Variants in MAP3K9 observed in about 807,000 individuals in gnomAD.
The protein encoded by MAP3K9 is mitogen-activated protein kinase kinase kinase 9, also known as mixed lineage kinase 1 (tyr and ser/thr specificity).
Under a neutral mutation model 95.8 loss-of-function variants are expected in MAP3K9, and 46 were observed. The observed-to-expected ratio is 0.48, with a 90% CI of 0.38 to 0.61. MAP3K9 has a LOEUF of 0.61. Ranked by LOEUF, MAP3K9 falls within the 20% of genes least tolerant of loss-of-function variation. MAP3K9 has a pLI of 0.00. For synonymous variants in MAP3K9, 533 were observed against 593.8 expected (o/e 0.90, Z 1.49); for missense variants, 1,296 against 1,474.3 (o/e 0.88, Z 1.98).
At chr14:70,807,765 TG>T (rs2055005911) in intron 1 of MAP3K9, among the ~76,000 whole-genome samples, 1 of 152,304 alleles carries the variant, frequency 6.6e-6, no homozygotes, top group East Asian at 1.9e-4. Context: ...GATATTTACA[TG>T]TTTTTTTCTG....
chr14:70,751,521 C>A (rs368083354), intron 3 of MAP3K9, among the ~76,000 whole-genome samples: 16 of 152,150 alleles, frequency 1.1e-4, no homozygotes, highest in African/African-American at 3.9e-4. Flanking sequence ...GAGTTCAAGA[C>A]CAGCCTGGCC....
chr14:70,772,490 C>T (rs1026459544), intron 2 of MAP3K9, among the ~76,000 whole-genome samples: 3 of 152,194 alleles, frequency 2.0e-5, no homozygotes, highest in African/African-American at 7.2e-5. Context: ...GAATAATAAG[C>T]GCTCAATAAA....
chr14:70,743,517 A>G, intron 5 of MAP3K9, among the ~76,000 whole-genome samples: 1 of 152,048 alleles, frequency 6.6e-6, no homozygotes, highest in East Asian at 1.9e-4. Flanking sequence ...TACAAGAAAA[A>G]AAAAAACCCC....
intron 2 of MAP3K9, among the ~76,000 whole-genome samples, chr14:70,779,275 T>C (rs111451509): frequency 6.6e-4 from 100 of 152,236 alleles, no homozygotes; most frequent in African/African-American, 2.3e-3. Context: ...GTGACAAGAT[T>C]TGAGTTTCAG....
At position 70,733,089 on chromosome 14, in the gene MAP3K9, C is replaced by CA. The variant is rs753534564; in HGVS notation, c.2279dup (p.Ala761GlyfsTer8). ...AGTCAAACCCTAGGCCTGTGGCTGC[C>CA]AGAACAGCCCCACAGCCGAGCAGAG... On this transcript the variant is annotated frameshift_variant, in exon 11 of 12. Coordinates refer to ENST00000554752, the MANE Select transcript of MAP3K9 (RefSeq NM_001284230.2). LOFTEE classifies it high-confidence loss of function. 1.2e-6 allele frequency: 2 copies of CA among 1,614,112 alleles called. No homozygotes were observed. The highest frequency in any genetic ancestry group is 3.3e-5 in the Admixed American group (2 of 60,032).
chr14:70,802,688 G>A (rs1353468040), intron 1 of MAP3K9, among the ~76,000 whole-genome samples: 1 of 152,018 alleles, frequency 6.6e-6, no homozygotes, highest in Non-Finnish European at 1.5e-5. Flanking sequence ...TTCCATGGCA[G>A]TTTCCATTCC....
chr14:70,799,828 C>T (rs919215628), intron 2 of MAP3K9, among the ~76,000 whole-genome samples: 1 of 152,144 alleles, frequency 6.6e-6, no homozygotes, highest in Non-Finnish European at 1.5e-5. Context: ...AAATGCCCTC[C>T]TCTCTGGGAC....
Position 70,748,967 on chromosome 14 carries a change from G to A in MAP3K9, c.1188C>T (p.Phe396=). Residue 396 remains phenylalanine, a synonymous_variant, in exon 5 of 12, where the codon TTC becomes TTT. Transcript: ENST00000554752. The stretch of plus-strand genomic sequence containing the variant: ...TGGTTAGCTGGTCCAGGATATTCGT[G>A]AAAGATGGTCGTGAGTGGGGATCAG... The part of the protein sequence containing the change: ...WNPDPHSRPS[F]TNILDQLTTI... The A allele has an allele frequency of 6.2e-7, 1 of 1,614,012 alleles. No homozygotes were observed. The highest frequency in any genetic ancestry group is 8.5e-7 in the Non-Finnish European group (1 of 1,179,954).
Position 70,748,123 on chromosome 14 carries a change from G to GAAAAA in MAP3K9, c.1326+705_1326+706insTTTTT. 1.4e-5 allele frequency among the ~76,000 whole-genome samples: 2 copies of GAAAAA among 146,050 alleles called. 1 individual carries two copies. The highest frequency in any genetic ancestry group is 4.2e-4 in the South Asian group (2 of 4,718). On this transcript the variant is annotated intron_variant, in intron 5 of 11. Transcript: ENST00000554752. ...CTGTCTCAAAAAAAAAAAAAAAATGGTAAAAGAAATTAACCAAATCTATAA... is the reference window on the plus strand; with the variant it reads ...CTGTCTCAAAAAAAAAAAAAAAATGGAAAAATAAAAGAAATTAACCAAATCTATAA...
intron 2 of MAP3K9, among the ~76,000 whole-genome samples, chr14:70,777,073 T>C (rs748982436): frequency 2.6e-5 from 4 of 152,058 alleles, no homozygotes; most frequent in East Asian, 1.9e-4. Flanking sequence ...TCAGGTGATC[T>C]GCCTACCTCG....
chr14:70,760,940 T>G, intron 3 of MAP3K9, 62 bp downstream of exon 3: 2 of 1,565,230 alleles, frequency 1.3e-6, no homozygotes, highest in South Asian at 1.2e-5. Flanking sequence ...CTCCAAGTCT[T>G]GAAATGTGTG....
intron 2 of MAP3K9, among the ~76,000 whole-genome samples, chr14:70,769,973 C>T (rs974554064): frequency 1.2e-4 from 19 of 152,296 alleles, no homozygotes; most frequent in African/African-American, 3.8e-4. Context: ...AGTAAAAATA[C>T]TGCCTTTGCT....
intron 2 of MAP3K9, among the ~76,000 whole-genome samples, chr14:70,772,041 A>G (rs546601277): frequency 1.3e-5 from 2 of 152,328 alleles, no homozygotes; most frequent in Admixed American, 6.5e-5. Flanking sequence ...GGCAAGGCCA[A>G]GAGAGGCCAG....
intron 5 of MAP3K9, among the ~76,000 whole-genome samples, chr14:70,746,486 T>A (rs2054148741): frequency 6.6e-6 from 1 of 152,218 alleles, no homozygotes; most frequent in Admixed American, 6.5e-5. Context: ...CACATCTTAC[T>A]CTCACTTACC....
At chr14:70,753,169 T>C (rs2054253212) in intron 3 of MAP3K9, among the ~76,000 whole-genome samples, 1 of 152,160 alleles carries the variant, frequency 6.6e-6, no homozygotes, top group Non-Finnish European at 1.5e-5. Flanking sequence ...ATACCGACCT[T>C]ACAGAAGAGT....
rs962243097 is a variant in MAP3K9, at chr14:70,738,233, T to C, written c.1844+12A>G. On this transcript the variant is annotated intron_variant, in intron 8 of 11. Transcript: ENST00000554752. ...TCAAGAGAGAAAGAATTTCATGTCA[T>C]CTGGCACTTACCCTTCATCTCCCGA... The C allele has an allele frequency of 2.5e-6, 4 of 1,600,184 alleles. No individual in the cohort carries two copies. The African/African-American group carries it at 4.0e-5, about 16-fold the overall frequency.
At chr14:70,789,088 T>G (rs1053365955) in intron 2 of MAP3K9, among the ~76,000 whole-genome samples, 1 of 152,208 alleles carries the variant, frequency 6.6e-6, no homozygotes, top group African/African-American at 2.4e-5. Context: ...AGCTGTCCCA[T>G]TCAATCAAGC....
intron 1 of MAP3K9, 129 bp from the exon 2 acceptor site, chr14:70,801,209 T>A: frequency 1.2e-6 from 1 of 830,240 alleles, no homozygotes; most frequent in African/African-American, 1.7e-5. Context: ...CTCCCCATTA[T>A]AAAGCAAATT....
chr14:70,747,043 A>G (rs2054157059), intron 5 of MAP3K9, among the ~76,000 whole-genome samples: 1 of 152,274 alleles, frequency 6.6e-6, no homozygotes, highest in Admixed American at 6.5e-5. Flanking sequence ...CTTCTAGAGA[A>G]TGCTCATTGA....
Sources: gnomAD v4.1 joint callset for allele counts (sites outside exome capture counted in the v4.1 genomes callset) on GRCh38, gnomAD v4.1.1 for gene constraint, MANE v1.5 for transcripts, NCBI Gene and HGNC (gene_info 2026-07-23, HGNC 2026-07-21) for gene names.